SIRT3: variants seen among roughly 807,000 people sequenced by gnomAD.
The protein encoded by SIRT3 is NAD-dependent protein deacetylase sirtuin-3, mitochondrial.
A neutral mutation model predicts 33.5 loss-of-function variants in SIRT3; 26 were observed. That is an observed-to-expected ratio of 0.78 (90% confidence interval 0.57 to 1.08). The LOEUF (loss-of-function observed/expected upper bound fraction) is 1.08. Ranked by LOEUF, SIRT3 falls within the 50% of genes least tolerant of loss-of-function variation. SIRT3 has a pLI of 0.00. For synonymous variants in SIRT3, 237 were observed against 222.1 expected (o/e 1.07, Z -0.60); for missense variants, 585 against 530.1 (o/e 1.10, Z -1.02).
At chr11:229,196 G>A (rs1049137006) in intron 4 of SIRT3, among the ~76,000 whole-genome samples, 5 of 147,910 alleles carry the variant, frequency 3.4e-5, no homozygotes, top group African/African-American at 9.7e-5. Context: ...GCTCTCGCCT[G>A]TAATCCCACA....
In SIRT3 at chr11:223,956, T is replaced by A; in HGVS notation, c.969+122A>T. On this transcript the variant is annotated intron_variant, in intron 5 of 6. Coordinates refer to ENST00000382743, the MANE Select transcript of SIRT3 (RefSeq NM_012239.6). This position sits in a 1 kb window ranked among gnomAD's most constrained non-coding sequence, Gnocchi z 4.8. ...GCCCATGAGGTGACTCCTGTACCCC[T>A]CCCTTCCCCTGCCCTCCAGACTCCT... 1.5e-5 allele frequency: 7 copies of A among 459,990 alleles called. No individual in the cohort carries two copies. Among genetic ancestry groups the A allele is most frequent in the Non-Finnish European group, 2.2e-5 (6 of 269,368 alleles). The allele number at this position is 459,990 out of a possible 1,614,324, so 28.5% of individuals were successfully genotyped here. A position where few individuals can be genotyped will look rare whatever the true frequency, so the allele number is the denominator to read the frequency against.
rs1859092630 is a variant in SIRT3, at chr11:236,267, C to G, written c.62G>C (p.Arg21Pro). Residue 21 changes from arginine to proline, a missense_variant, in exon 1 of 7, where the codon CGG becomes CCG. By Grantham distance (103) the Arg-to-Pro change is moderately radical. Coordinates refer to ENST00000382743, the MANE Select transcript of SIRT3 (RefSeq NM_012239.6). ...CCCCACGCCTCCCCCGGCCTCGACC[C>G]GTTCAACTACCCGGCCCCACAGCCG... ...ALRLWGRVVE[R>P]VEAGGGVGPF... The G allele has an allele frequency of 3.9e-6, 6 of 1,542,450 alleles. No homozygotes were observed. The highest frequency in any genetic ancestry group is 2.8e-5 in the African/African-American group (2 of 72,654).
intron 5 of SIRT3, among the ~76,000 whole-genome samples, chr11:220,951 G>A (rs28472451): frequency 1.3e-4 from 13 of 101,270 alleles, no homozygotes; most frequent in Non-Finnish European, 1.3e-4. Context: ...TACTTGCATG[G>A]GTAGATAAGG....
chr11:230,860 A>T (rs2133916716), intron 3 of SIRT3, among the ~76,000 whole-genome samples: 1 of 152,382 alleles, frequency 6.6e-6, no homozygotes, highest in South Asian at 2.1e-4. Flanking sequence ...ACAGTGGCCC[A>T]CACCTGTAAT....
chr11:222,586 C>T (rs1856589849), intron 5 of SIRT3: 1 of 152,578 alleles, frequency 6.6e-6, no homozygotes, highest in South Asian at 2.1e-4. Context: ...CTACAAGGGC[C>T]CTGCTGGGTC....
At position 230,483 on chromosome 11, in the gene SIRT3, C is replaced by T; in HGVS notation, c.776G>A (p.Cys259Tyr). 2 of 1,530,620 alleles carry T rather than the reference C, an allele frequency of 1.3e-6. No homozygotes were observed. Among genetic ancestry groups the T allele is most frequent in the South Asian group, 1.3e-5 (1 of 79,872 alleles). The allele number at this position is 1,530,620 out of a possible 1,614,324, so 94.8% of individuals were successfully genotyped here. Residue 259 changes from cysteine (C) to tyrosine (Y), a missense_variant, in exon 4 of 7, where the codon TGC (cysteine) becomes TAC (tyrosine). By Grantham distance (194) the Cys-to-Tyr change is radical (BLOSUM62 -2). Coordinates refer to ENST00000382743, the MANE Select transcript of SIRT3 (RefSeq NM_012239.6). ...GTCCTCCCCTGGGAAGGGTCTTTGG[C>T]AGACTGTGCAGGTGGCAGAGGCAAA... Reference protein sequence around the residue: ...GTFASATCTVCQRPFPGEDIR... With the variant: ...GTFASATCTVYQRPFPGEDIR...
chr11:234,437 C>T lies in SIRT3; in HGVS notation c.282-903G>A, dbSNP rs576258590. Among the ~76,000 whole-genome samples, 3 of 125,742 alleles carry T rather than the reference C, an allele frequency of 2.4e-5. No individual in the cohort carries two copies. In the East Asian group the frequency reaches 7.8e-4, roughly 33 times the overall value. 82.5% of individuals were successfully genotyped at this position (125,742 alleles called of 152,430 possible). A position where few individuals can be genotyped will look rare whatever the true frequency, so the allele number is the denominator to read the frequency against. On this transcript the variant is annotated intron_variant, in intron 1 of 6. Coordinates refer to ENST00000382743, the MANE Select transcript of SIRT3 (RefSeq NM_012239.6). The stretch of plus-strand genomic sequence containing the variant: ...TGTTTTGTTTTGTTTTGTTTTGAGA[C>T]GGAGTCTCGCTCTGTTGCCCAGGCT...
intron 4 of SIRT3, among the ~76,000 whole-genome samples, chr11:229,150 C>T (rs1470932011): frequency 2.6e-5 from 4 of 152,198 alleles, no homozygotes; most frequent in Non-Finnish European, 5.9e-5. Context: ...ACAGTATATT[C>T]GTTCCTCAAA....
At chr11:221,279 C>G (rs144457880) in intron 5 of SIRT3, among the ~76,000 whole-genome samples, 221 of 152,292 alleles carry the variant, frequency 1.5e-3, no homozygotes, top group Middle Eastern at 6.8e-3. Context: ...GCCTGGCTAT[C>G]TTTTTATTTT....
chr11:224,901 C>G (rs1444241344), intron 4 of SIRT3, among the ~76,000 whole-genome samples: 1 of 144,940 alleles, frequency 6.9e-6, no homozygotes, highest in Non-Finnish European at 1.5e-5. Flanking sequence ...TAAGGTAAAC[C>G]TTTACAGCTA....
At chr11:219,974 T>C (rs1234353052) in intron 5 of SIRT3, among the ~76,000 whole-genome samples, 3 of 152,234 alleles carry the variant, frequency 2.0e-5, no homozygotes, top group Admixed American at 6.5e-5. Context: ...TATTGCTAAT[T>C]GATAAACTCA....
chr11:228,718 AGAAAAT>A (rs1857495563), intron 4 of SIRT3, among the ~76,000 whole-genome samples: 6 of 152,260 alleles, frequency 3.9e-5, no homozygotes, highest in Non-Finnish European at 5.9e-5. Context: ...CAAAAGAGTG[AGAAAAT>A]AAATAGACAA....
intron 6 of SIRT3, 117 bp downstream of exon 6, chr11:218,715 A>G (rs1194463427): frequency 3.9e-6 from 6 of 1,532,018 alleles, no homozygotes; most frequent in Non-Finnish European, 5.3e-6. Flanking sequence ...CAGGATTCAC[A>G]GCATCATCAG....
chr11:231,955 G>C (rs543024106), intron 3 of SIRT3, among the ~76,000 whole-genome samples: 15 of 126,150 alleles, frequency 1.2e-4, no homozygotes, highest in African/African-American at 4.2e-4. Flanking sequence ...CTTCCGTTAG[G>C]TGCACGGCCA....
intron 6 of SIRT3, among the ~76,000 whole-genome samples, chr11:218,056 C>T (rs201219587): frequency 6.1e-5 from 6 of 99,028 alleles, no homozygotes; most frequent in Non-Finnish European, 9.6e-5. Context: ...GATTGTGAGG[C>T]CCCCACAGCC....
intron 4 of SIRT3, among the ~76,000 whole-genome samples, chr11:226,295 C>T (rs1054950187): frequency 1.3e-5 from 2 of 152,154 alleles, no homozygotes; most frequent in African/African-American, 4.8e-5. Flanking sequence ...CAGTGAGGCG[C>T]GTCTGACCTC....
intron 4 of SIRT3, among the ~76,000 whole-genome samples, chr11:226,639 C>T (rs903498328): frequency 2.0e-5 from 3 of 151,944 alleles, no homozygotes; most frequent in Non-Finnish European, 2.9e-5. Flanking sequence ...AAACTCCTAA[C>T]TCAGGTGATC....
chr11:216,613 G>T lies in SIRT3; in HGVS notation c.*85C>A. The T allele has an allele frequency of 6.6e-7, 1 of 1,508,142 alleles. No homozygotes were observed. The highest frequency in any genetic ancestry group is 9.2e-7 in the Non-Finnish European group (1 of 1,085,778). 93.4% of individuals were successfully genotyped at this position (1,508,142 alleles called of 1,614,324 possible). On this transcript the variant is annotated 3_prime_UTR_variant, in exon 7 of 7. Transcript: ENST00000382743. Reference sequence around the variant, plus strand: ...ACATATTCTGGTTTCACCTGCCCAAGCTGTCTTCAGGCATGAGGTCTTGTC... The same window carrying T: ...ACATATTCTGGTTTCACCTGCCCAATCTGTCTTCAGGCATGAGGTCTTGTC...
chr11:232,760 G>A (rs999509391), intron 3 of SIRT3, among the ~76,000 whole-genome samples: 1 of 152,148 alleles, frequency 6.6e-6, no homozygotes, highest in Non-Finnish European at 1.5e-5. Flanking sequence ...ACAAGCAGTG[G>A]CCTTTAAACA....
Sources: gnomAD v4.1 joint callset for allele counts (sites outside exome capture counted in the v4.1 genomes callset) on GRCh38, gnomAD v4.1.1 for gene constraint, Gnocchi (gnomAD v3.1) non-coding constraint, MANE v1.5 for transcripts, NCBI Gene and HGNC (gene_info 2026-07-23, HGNC 2026-07-21) for gene names.